The following RPH3A variants were observed in gnomAD, a reference collection of about 807,000 sequenced individuals.
The protein encoded by RPH3A is rabphilin 3A, also known as rabphilin-3A.
In RPH3A, 48 loss-of-function variants were observed where a neutral mutation model predicts 102.2. That is an observed-to-expected ratio of 0.47 (90% confidence interval 0.37 to 0.60). RPH3A has a LOEUF of 0.60. Ranked by LOEUF, RPH3A falls within the 20% of genes least tolerant of loss-of-function variation. The pLI is 0.00. For missense variants in RPH3A, 781 were observed against 910.1 expected (o/e 0.86, Z 1.83); for synonymous variants, 310 against 324.3 (o/e 0.96, Z 0.47).
chr12:112,748,777 G>T (rs2040764987), intron 1 of RPH3A, among the ~76,000 whole-genome samples: 1 of 152,194 alleles, frequency 6.6e-6, no homozygotes. Flanking sequence ...ATACATGCAT[G>T]CCTGAATGAC....
At chr12:112,638,211 C>T (rs1006141720) in intron 1 of RPH3A, among the ~76,000 whole-genome samples, 1 of 152,162 alleles carries the variant, frequency 6.6e-6, no homozygotes, top group African/African-American at 2.4e-5. Context: ...ACGCCAGCTC[C>T]CCTTTGCCTT....
chr12:112,805,159 G>A (rs1361673037), intron 2 of RPH3A, among the ~76,000 whole-genome samples: 4 of 152,094 alleles, frequency 2.6e-5, no homozygotes, highest in Non-Finnish European at 4.4e-5. Context: ...AAAGATTGGT[G>A]CCCCTTTTTT....
intron 1 of RPH3A, among the ~76,000 whole-genome samples, chr12:112,781,733 GTATT>G (rs1263903259): frequency 6.6e-6 from 1 of 152,088 alleles, no homozygotes; most frequent in African/African-American, 2.4e-5. Flanking sequence ...TATTTATTTG[GTATT>G]TATTCTGTGC....
At chr12:112,866,984 TCTC>T in intron 7 of RPH3A, 144 bp downstream of exon 7, 1 of 623,438 alleles carries the variant, frequency 1.6e-6, no homozygotes, top group East Asian at 2.9e-5. Flanking sequence ...ATGAATTATT[TCTC>T]CTCCTCTGCT....
chr12:112,678,316 A>AAG (rs755384631), intron 1 of RPH3A, among the ~76,000 whole-genome samples: 1 of 115,422 alleles, frequency 8.7e-6, no homozygotes, highest in Non-Finnish European at 1.8e-5. Flanking sequence ...AGAGAGAGAG[A>AAG]GAAAGAAAGA....
chr12:112,740,091 C>T (rs1782365139), intron 1 of RPH3A, among the ~76,000 whole-genome samples: 1 of 152,130 alleles, frequency 6.6e-6, no homozygotes, highest in Non-Finnish European at 1.5e-5. Flanking sequence ...GAAACAGTTT[C>T]GGATTTCTTG....
At chr12:112,730,369 G>GAT (rs1490506153) in intron 1 of RPH3A, among the ~76,000 whole-genome samples, 1 of 152,224 alleles carries the variant, frequency 6.6e-6, no homozygotes, top group Admixed American at 6.5e-5. Flanking sequence ...GCCCCATCAG[G>GAT]GGTAGCCTCA....
intron 2 of RPH3A, among the ~76,000 whole-genome samples, chr12:112,799,122 G>A (rs943062124): frequency 1.7e-4 from 26 of 150,614 alleles, no homozygotes; most frequent in African/African-American, 5.8e-4. Context: ...ATGATGGCTC[G>A]CACTTGTAAA....
At chr12:112,837,793 A>G (rs1400314997) in intron 4 of RPH3A, 3 of 455,824 alleles carry the variant, frequency 6.6e-6, no homozygotes, top group African/African-American at 2.0e-5. Context: ...GGCTTCATGA[A>G]TGCTGCAGGT....
At chr12:112,789,786 C>CAATT (rs1219455187), upstream of RPH3A, among the ~76,000 whole-genome samples, 4 of 147,124 alleles carry the variant, frequency 2.7e-5, no homozygotes, top group African/African-American at 1.0e-4. Context: ...ATCATGATGA[C>CAATT]AATTACTACC....
chr12:112,586,371 C>T (rs1023902918), intron 1 of RPH3A, among the ~76,000 whole-genome samples: 2 of 151,884 alleles, frequency 1.3e-5, no homozygotes, highest in East Asian at 1.9e-4. Context: ...CAAATATAGC[C>T]GTGGGGAGGG....
Position 112,876,660 on chromosome 12 carries a change from C to T in RPH3A, c.965C>T (p.Pro322Leu). Reference sequence around the variant, plus strand: ...CCTGCAGAGGTGGCTCCGAGCGACCCTGGGACCACTGCCCCACCCCGAGAG... The same window carrying T: ...CCTGCAGAGGTGGCTCCGAGCGACCTTGGGACCACTGCCCCACCCCGAGAG... ...DQKPEVAPSD[P>L]GTTAPPREER... Residue 322 changes from proline (P) to leucine (L), a missense_variant, in exon 13 of 22, where the codon CCT (proline) becomes CTT (leucine). This residue lies in a region of RPH3A where 730 missense variants were observed against 810.0 expected (regional missense o/e 0.90). Transcript: ENST00000389385. The T allele has an allele frequency of 6.2e-7, 1 of 1,611,466 alleles. No homozygotes were observed. The highest frequency in any genetic ancestry group is 2.2e-5 in the East Asian group (1 of 44,746).
chr12:112,719,096 T>C (rs12425352), intron 1 of RPH3A, among the ~76,000 whole-genome samples: 35,488 of 151,954 alleles, frequency 0.23, 4,525 homozygotes, highest in South Asian at 0.36. Flanking sequence ...TGGCATATGG[T>C]GGGTAGAAGA....
chr12:112,673,838 C>A (rs991106096), intron 1 of RPH3A, among the ~76,000 whole-genome samples: 6 of 152,158 alleles, frequency 3.9e-5, no homozygotes, highest in Non-Finnish European at 7.4e-5. Context: ...CACAGCCCCC[C>A]ACTACCCTTC....
intron 1 of RPH3A, among the ~76,000 whole-genome samples, chr12:112,621,932 C>A (rs905069195): frequency 2.5e-4 from 37 of 150,706 alleles, no homozygotes; most frequent in African/African-American, 8.3e-4. Context: ...TGGGAGGCAC[C>A]CCCCAGCAGG....
chr12:112,747,536 A>G (rs955211871), intron 1 of RPH3A, among the ~76,000 whole-genome samples: 3 of 152,114 alleles, frequency 2.0e-5, no homozygotes, highest in Admixed American at 2.0e-4. Context: ...ACTATAACTT[A>G]TTTGCTGATT....
At chr12:112,814,492 T>C (rs2041636832) in intron 2 of RPH3A, among the ~76,000 whole-genome samples, 1 of 152,214 alleles carries the variant, frequency 6.6e-6, no homozygotes, top group Admixed American at 6.5e-5. Flanking sequence ...TTGATGGGGC[T>C]GATGGTTAGA....
chr12:112,812,506 A>C (rs1056513366), intron 2 of RPH3A, among the ~76,000 whole-genome samples: 2 of 152,230 alleles, frequency 1.3e-5, no homozygotes, highest in Admixed American at 1.3e-4. Flanking sequence ...TAGGGCTTAC[A>C]GGGAGAAACC....
intron 4 of RPH3A, among the ~76,000 whole-genome samples, chr12:112,844,336 G>A (rs1362020677): frequency 6.6e-6 from 1 of 152,234 alleles, no homozygotes; most frequent in Non-Finnish European, 1.5e-5. Flanking sequence ...AGGTCCACAC[G>A]ATTAGGAAAT....
Sources: allele counts gnomAD v4.1 joint callset (sites outside exome capture counted in the v4.1 genomes callset), GRCh38; gene constraint gnomAD v4.1.1; regional missense constraint gnomAD v4.1.1; transcripts MANE v1.5; gene names NCBI Gene and HGNC (gene_info 2026-07-23, HGNC 2026-07-21).